LDB2: variants seen among roughly 807,000 people sequenced by gnomAD.
The protein encoded by LDB2 is LIM domain-binding protein 2.
Under a neutral mutation model 44.3 loss-of-function variants are expected in LDB2, and 12 were observed. That is an observed-to-expected ratio of 0.27 (90% confidence interval 0.17 to 0.44). LDB2 has a LOEUF of 0.44. Among genes scored for constraint, LDB2 ranks in the 20% least tolerant of loss-of-function variants. The pLI is 1.00. For synonymous variants in LDB2, 164 were observed against 174.8 expected (o/e 0.94, Z 0.49); for missense variants, 344 against 473.5 (o/e 0.73, Z 2.54).
Position 16,846,170 on chromosome 4 carries a change from T to C in LDB2, c.132+52184A>G, listed in dbSNP as rs141737076. ...AGGCTGGATTATAAGGTCTGGTTCA[T>C]CTGATCTCAACTCTCAGACTTTTTC... On this transcript the variant is annotated intron_variant, in intron 1 of 7. Transcript: ENST00000304523. Among the ~76,000 whole-genome samples the C allele has an allele frequency of 5.1e-4, 78 of 152,086 alleles. No individual in the cohort carries two copies. The East Asian group carries it at 0.014, about 28-fold the overall frequency.
chr4:16,893,270 ATC>A (rs1270442083), intron 1 of LDB2, among the ~76,000 whole-genome samples: 1 of 151,152 alleles, frequency 6.6e-6, no homozygotes, highest in Non-Finnish European at 1.5e-5. Flanking sequence ...TCATTCATAT[ATC>A]TCAGAGTAGC....
intron 2 of LDB2, among the ~76,000 whole-genome samples, chr4:16,650,914 A>G (rs930452652): frequency 3.9e-5 from 6 of 152,214 alleles, no homozygotes; most frequent in Non-Finnish European, 7.4e-5. Flanking sequence ...CCAAATGTGA[A>G]AACCCTTCTA....
chr4:16,535,198 A>G (rs1376060737), intron 5 of LDB2, among the ~76,000 whole-genome samples: 1 of 152,188 alleles, frequency 6.6e-6, no homozygotes, highest in Non-Finnish European at 1.5e-5. Flanking sequence ...AAGGGGAGCT[A>G]ACCACTCTCA....
At chr4:16,846,070 C>T (rs1414465341) in intron 1 of LDB2, among the ~76,000 whole-genome samples, 3 of 149,034 alleles carry the variant, frequency 2.0e-5, no homozygotes, top group South Asian at 2.1e-4. Flanking sequence ...GCTGAGATCA[C>T]GCCACTGCAC....
intron 5 of LDB2, among the ~76,000 whole-genome samples, chr4:16,563,229 A>G (rs937819086): frequency 2.0e-5 from 3 of 150,886 alleles, no homozygotes; most frequent in Admixed American, 2.0e-4. Context: ...TAATAATAAT[A>G]AAAAGACATT....
chr4:16,844,080 C>T (rs1786425879), intron 1 of LDB2, among the ~76,000 whole-genome samples: 2 of 125,840 alleles, frequency 1.6e-5, no homozygotes, highest in Non-Finnish European at 3.4e-5. Context: ...TAGCAAGACC[C>T]CATCTCTAAA....
rs545221929 is a variant in LDB2 at position 16,808,035 on chromosome 4, A to G, written c.133-48775T>C. On this transcript the variant is annotated intron_variant, in intron 1 of 7. Transcript: ENST00000304523. ...ATGTCAAAGGAGCTTCTATGCTAGG[A>G]AAAAAAAGTATGAGAGAATGTACAC... Among the ~76,000 whole-genome samples, 31 of 152,212 alleles carry G rather than the reference A, an allele frequency of 2.0e-4. No homozygotes were observed. In the South Asian group the frequency reaches 2.1e-3, roughly 10 times the overall value.
chr4:16,750,483 T>C (rs1347720413), intron 2 of LDB2, among the ~76,000 whole-genome samples: 1 of 152,232 alleles, frequency 6.6e-6, no homozygotes, highest in Non-Finnish European at 1.5e-5. Flanking sequence ...TGCTGGGGCA[T>C]TTCTTTCTTT....
At chr4:16,766,124 T>C (rs1361605231) in intron 1 of LDB2, among the ~76,000 whole-genome samples, 1 of 152,166 alleles carries the variant, frequency 6.6e-6, no homozygotes, top group Admixed American at 6.5e-5. Context: ...TATAAATAAA[T>C]GTTCTGGGTC....
At position 16,703,083 on chromosome 4, in the gene LDB2, G is replaced by A. The variant is rs202084423; in HGVS notation, c.235+56075C>T. Among the ~76,000 whole-genome samples, 12 of 152,158 alleles carry A rather than the reference G, an allele frequency of 7.9e-5. No individual in the cohort carries two copies. The East Asian group carries it at 1.5e-3, about 20-fold the overall frequency. On this transcript the variant is annotated intron_variant, in intron 2 of 7. Coordinates refer to ENST00000304523, the MANE Select transcript of LDB2 (RefSeq NM_001290.5). The stretch of plus-strand genomic sequence containing the variant: ...CAGCGTCTTCTGTGTGCCAATCCTC[G>A]CTCTAAGAAATGGAGAAAATAAATG...
At chr4:16,891,040 T>G (rs1012410556) in intron 1 of LDB2, among the ~76,000 whole-genome samples, 2 of 152,166 alleles carry the variant, frequency 1.3e-5, no homozygotes, top group African/African-American at 4.8e-5. Flanking sequence ...GAGCCAATAC[T>G]ATACCCAATT....
At chr4:16,655,513 A>G (rs1203743412) in intron 2 of LDB2, among the ~76,000 whole-genome samples, 1 of 152,152 alleles carries the variant, frequency 6.6e-6, no homozygotes, top group Admixed American at 6.5e-5. Flanking sequence ...ATAACCCACA[A>G]TCGTCCGTTA....
intron 2 of LDB2, among the ~76,000 whole-genome samples, chr4:16,625,146 C>T (rs1393508418): frequency 6.6e-6 from 1 of 152,154 alleles, no homozygotes; most frequent in Non-Finnish European, 1.5e-5. Flanking sequence ...TCTGCATCAT[C>T]TCATACCTCT....
chr4:16,886,901 C>T (rs562433506), intron 1 of LDB2, among the ~76,000 whole-genome samples: 8 of 151,740 alleles, frequency 5.3e-5, no homozygotes, highest in African/African-American at 1.5e-4. Context: ...GGTGTGGTGG[C>T]GGGCACCTGT....
intron 2 of LDB2, among the ~76,000 whole-genome samples, chr4:16,709,498 A>G (rs143435837): frequency 6.6e-6 from 1 of 152,300 alleles, no homozygotes; most frequent in Non-Finnish European, 1.5e-5. Flanking sequence ...ACACAAAGGT[A>G]CTCAATTAAT....
chr4:16,657,279 G>A (rs1578529392), intron 2 of LDB2, among the ~76,000 whole-genome samples: 1 of 152,300 alleles, frequency 6.6e-6, no homozygotes, highest in South Asian at 2.1e-4. Flanking sequence ...CTGCTGGATA[G>A]TGCCATGATG....
intron 2 of LDB2, among the ~76,000 whole-genome samples, chr4:16,631,092 C>A (rs1218749092): frequency 6.6e-6 from 1 of 152,158 alleles, no homozygotes; most frequent in Non-Finnish European, 1.5e-5. Flanking sequence ...ACATGATAGA[C>A]ATCTACAGAA....
chr4:16,673,284 A>G (rs1277839008), intron 2 of LDB2, among the ~76,000 whole-genome samples: 1 of 152,242 alleles, frequency 6.6e-6, no homozygotes, highest in African/African-American at 2.4e-5. Flanking sequence ...TCTCCAGATT[A>G]TCAGTATGCA....
At chr4:16,793,361 T>C (rs1457760689) in intron 1 of LDB2, among the ~76,000 whole-genome samples, 2 of 152,192 alleles carry the variant, frequency 1.3e-5, no homozygotes, top group African/African-American at 2.4e-5. Flanking sequence ...TGTGGGTTTA[T>C]GTCTAATCTC....
Sources: gnomAD v4.1 joint callset for allele counts (sites outside exome capture counted in the v4.1 genomes callset) on GRCh38, gnomAD v4.1.1 for gene constraint, MANE v1.5 for transcripts, NCBI Gene and HGNC (gene_info 2026-07-23, HGNC 2026-07-21) for gene names.